Variants in PIEZO2 observed in about 807,000 individuals in gnomAD.
PIEZO2 encodes piezo-type mechanosensitive ion channel component 2.
A neutral mutation model predicts 337.3 loss-of-function variants in PIEZO2; 172 were observed. The observed-to-expected ratio is 0.51, with a 90% CI of 0.45 to 0.58. The LOEUF is 0.58. Ranked by LOEUF, PIEZO2 falls within the 20% of genes least tolerant of loss-of-function variation. The probability of loss-of-function intolerance (pLI) is 0.00; values close to 1 mark genes in which losing one functional copy is unlikely to be tolerated. For missense variants in PIEZO2, 3,028 were observed against 3,391.3 expected (o/e 0.89, Z 2.66); for synonymous variants, 1,251 against 1,228.5 (o/e 1.02, Z -0.38).
intron 36 of PIEZO2, chr18:10,725,393 C>T: frequency 2.5e-6 from 4 of 1,605,710 alleles, no homozygotes; most frequent in South Asian, 2.2e-5. Context: ...ACAGCCGGCC[C>T]ACATTGGCGG....
intron 3 of PIEZO2, among the ~76,000 whole-genome samples, chr18:10,920,198 TC>T (rs1276010472): frequency 1.3e-5 from 2 of 152,064 alleles, no homozygotes; most frequent in Non-Finnish European, 2.9e-5. Flanking sequence ...CACCCCACCT[TC>T]CCCTGACTTC....
rs534276284 is a variant in PIEZO2, at chr18:11,002,875, G to A, written c.161-23215C>T. On this transcript the variant is annotated intron_variant, in intron 2 of 55. Transcript: ENST00000674853. The surrounding 1 kb of genome is among the most constrained non-coding windows in gnomAD (Gnocchi z 4.3). ...TCATGGTCCTCCATGGGCAGGTTCA[G>A]CAGAGAACAGACCAATAGAAACATC... 7.9e-5 allele frequency among the ~76,000 whole-genome samples: 12 copies of A among 152,326 alleles called. No individual in the cohort carries two copies. In the South Asian group the frequency reaches 2.5e-3, roughly 32 times the overall value.
intron 23 of PIEZO2, 37 bp from the exon 24 acceptor site, chr18:10,761,148 G>C: frequency 6.6e-7 from 1 of 1,506,720 alleles, no homozygotes; most frequent in Non-Finnish European, 8.9e-7. Flanking sequence ...TCAGCCAGAG[G>C]CTTTATGATT....
intron 4 of PIEZO2, among the ~76,000 whole-genome samples, chr18:10,884,793 G>C (rs1190497979): frequency 6.6e-6 from 1 of 152,152 alleles, no homozygotes; most frequent in Non-Finnish European, 1.5e-5. Flanking sequence ...GGCTCCAACA[G>C]AGTAGCACAT....
chr18:11,003,837 A>AT lies in PIEZO2; in HGVS notation c.161-24178dup, dbSNP rs768600730. ...TGGGGGTGGACCTGGAAACAAAGTGATTTTTTCCCCTCATTGACATTGGAA... is the reference window on the plus strand; with the variant it reads ...TGGGGGTGGACCTGGAAACAAAGTGATTTTTTTCCCCTCATTGACATTGGAA... On this transcript the variant is annotated intron_variant, in intron 2 of 55. Transcript: ENST00000674853. The surrounding 1 kb of genome is among the most constrained non-coding windows in gnomAD (Gnocchi z 4.6). Among the ~76,000 whole-genome samples the AT allele has an allele frequency of 1.4e-4, 22 of 152,268 alleles. No individual in the cohort carries two copies. The South Asian group carries it at 2.5e-3, about 17-fold the overall frequency.
Position 10,807,222 on chromosome 18 carries a change from T to A in PIEZO2, c.970A>T (p.Ile324Phe). Residue 324 changes from isoleucine to phenylalanine, a missense_variant, in exon 8 of 56, where the codon ATC (isoleucine) becomes TTC (phenylalanine). By Grantham distance (21) the Ile-to-Phe change is conservative. Transcript: ENST00000674853. The stretch of plus-strand genomic sequence containing the variant: ...CACGACAGGTCCGGGTTCACTATGA[T>A]CTTCCAAGTACTTGAACAGTCCGTT... ...IQTDCSSTWK[I>F]IVNPDLSWYH... The A allele has an allele frequency of 6.5e-7, 1 of 1,537,346 alleles. No individual in the cohort carries two copies. The highest frequency in any genetic ancestry group is 8.7e-7 in the Non-Finnish European group (1 of 1,146,936).
intron 21 of PIEZO2, among the ~76,000 whole-genome samples, chr18:10,765,049 G>T (rs2038294872): frequency 6.6e-6 from 1 of 152,230 alleles, no homozygotes; most frequent in Non-Finnish European, 1.5e-5. Flanking sequence ...GAGTGATGGA[G>T]AAAGGGAAGT....
Position 10,718,221 on chromosome 18 carries a change from T to C in PIEZO2, c.5068A>G (p.Lys1690Glu), listed in dbSNP as rs745977544. Residue 1690 changes from lysine to glutamate, a missense_variant, in exon 37 of 56, where the codon AAA (lysine) becomes GAA (glutamate). Lys to Glu is a moderately conservative substitution (Grantham distance 56, BLOSUM62 1). This residue lies in a region of PIEZO2 where 1,925 missense variants were observed against 2,051.9 expected (regional missense o/e 0.94). Transcript: ENST00000674853. Reference protein sequence around the residue: ...EWEDREDEPIKKKSDGPDNII... With the variant: ...EWEDREDEPIEKKSDGPDNII... ...TTACCTGGTCCATCGGATTTCTTTT[T>C]GATTGGTTCATCCTCCCGGTCTTCC... 13 of 1,537,016 alleles carry C rather than the reference T, an allele frequency of 8.5e-6. No individual in the cohort carries two copies. Among genetic ancestry groups the C allele is most frequent in the Middle Eastern group, 1.7e-4 (1 of 6,012 alleles).
In PIEZO2 at chr18:10,966,736, T is replaced by G. The variant is rs187622506; in HGVS notation, c.286+12799A>C. 3.6e-3 allele frequency among the ~76,000 whole-genome samples: 547 copies of G among 152,268 alleles called. 1 individual carries two copies. Among genetic ancestry groups the G allele is most frequent in the Non-Finnish European group, 6.5e-3 (445 of 68,014 alleles). ...CACCCATCACCTGAGCAGTGTACAC[T>G]GTACCCAATGTGTTGTCTTTTATCC... On this transcript the variant is annotated intron_variant, in intron 3 of 55. Transcript: ENST00000674853.
chr18:10,728,211 G>A (rs1317075563), intron 36 of PIEZO2: 1 of 152,630 alleles, frequency 6.6e-6, no homozygotes, highest in Non-Finnish European at 1.5e-5. Context: ...AAAAACAGGA[G>A]TAAAATCCTG....
Position 10,982,498 on chromosome 18 carries a change from T to C in PIEZO2, c.161-2838A>G, listed in dbSNP as rs1765557625. On this transcript the variant is annotated intron_variant, in intron 2 of 55. Transcript: ENST00000674853. This position sits in a 1 kb window ranked among gnomAD's most constrained non-coding sequence, Gnocchi z 4.1. ...AATTTAGTCTAAAAATTCAGTACAGTTTAAAATAAAATGCCAGTAGAAACT... is the reference window on the plus strand; with the variant it reads ...AATTTAGTCTAAAAATTCAGTACAGCTTAAAATAAAATGCCAGTAGAAACT... Among the ~76,000 whole-genome samples the C allele has an allele frequency of 6.6e-6, 1 of 152,160 alleles. No individual in the cohort carries two copies. The highest frequency in any genetic ancestry group is 2.1e-4 in the South Asian group (1 of 4,836).
In PIEZO2 at chr18:11,016,963, G is replaced by A. The variant is rs117036774; in HGVS notation, c.161-37303C>T. 1.8e-3 allele frequency among the ~76,000 whole-genome samples: 268 copies of A among 152,300 alleles called. 1 individual carries two copies. Among genetic ancestry groups the A allele is most frequent in the Non-Finnish European group, 3.3e-3 (225 of 68,034 alleles). On this transcript the variant is annotated intron_variant, in intron 2 of 55. Transcript: ENST00000674853. The surrounding 1 kb of genome is among the most constrained non-coding windows in gnomAD (Gnocchi z 5.6). ...ACTGACAAGCTGAGGGAAGTTCAGA[G>A]GAGAGCACAGGATTGAAGGGTCAGG...
rs370635908 is a variant in PIEZO2 at position 10,810,731 on chromosome 18, A to T, written c.918-3457T>A. 3.3e-5 allele frequency among the ~76,000 whole-genome samples: 5 copies of T among 152,284 alleles called. No homozygotes were observed. In the South Asian group the frequency reaches 1.0e-3, roughly 32 times the overall value. On this transcript the variant is annotated intron_variant, in intron 7 of 55. Transcript: ENST00000674853. ...TAGCTATGACTTTTCTGGAGTCCCC[A>T]AATCAAGAATTGGGGGTATATGTAC...
chr18:10,840,992 C>T (rs888441788), intron 7 of PIEZO2, among the ~76,000 whole-genome samples: 4 of 152,142 alleles, frequency 2.6e-5, no homozygotes, highest in Non-Finnish European at 5.9e-5. Context: ...GGAAAGGTTC[C>T]TCAATGTGTT....
Position 10,672,641 on chromosome 18 carries a change from G to T in PIEZO2, c.8345+49C>A. 1 of 1,563,142 alleles carries T rather than the reference G, an allele frequency of 6.4e-7. No individual in the cohort carries two copies. Among genetic ancestry groups the T allele is most frequent in the Non-Finnish European group, 8.6e-7 (1 of 1,158,064 alleles). On this transcript the variant is annotated intron_variant, in intron 55 of 55. Coordinates refer to ENST00000674853, the MANE Select transcript of PIEZO2 (RefSeq NM_001378183.1). This position sits in a 1 kb window ranked among gnomAD's most constrained non-coding sequence, Gnocchi z 4.7. ...AGGCTTCCCACTCTCAACTTTACAT[G>T]ATACAGAAGTAGACTCTTGTAACTG...
At chr18:11,007,118 T>G (rs61180240) in intron 2 of PIEZO2, among the ~76,000 whole-genome samples, 18,852 of 152,196 alleles carry the variant, frequency 0.12, 1,478 homozygotes, top group Admixed American at 0.21. Flanking sequence ...AACACTAGAT[T>G]TTATTCCTTC....
At chr18:10,757,832 T>G in intron 27 of PIEZO2, 137 bp downstream of exon 27, 1 of 977,168 alleles carries the variant, frequency 1.0e-6, no homozygotes, top group Non-Finnish European at 1.5e-6. Context: ...TGAACCACAT[T>G]GTCCAGCATT....
In PIEZO2 at chr18:11,110,494, C is replaced by G. The variant is rs1200483438; in HGVS notation, c.64+38031G>C. Among the ~76,000 whole-genome samples the G allele has an allele frequency of 6.6e-6, 1 of 152,246 alleles. No individual in the cohort carries two copies. The highest frequency in any genetic ancestry group is 2.4e-5 in the African/African-American group (1 of 41,462). On this transcript the variant is annotated intron_variant, in intron 1 of 55. Transcript: ENST00000674853. The surrounding 1 kb of genome is among the most constrained non-coding windows in gnomAD (Gnocchi z 4.2). ...GGGTCCCCATGTGACCTCAGTCCAC[C>G]TGTTTACCTGAGGTAAGTGTCTGGG... is the stretch of plus-strand genomic sequence containing the variant.
intron 2 of PIEZO2, among the ~76,000 whole-genome samples, chr18:11,000,505 TCAGGGACAAGGGAAGAGGA>T (rs1325382018): frequency 6.6e-6 from 1 of 152,084 alleles, no homozygotes; most frequent in Non-Finnish European, 1.5e-5. Flanking sequence ...GAAGGATAGT[TCAGGGACAAGGGAAGAGGA>T]CAGGGACCTG....
Sources: gnomAD v4.1 joint callset for allele counts (sites outside exome capture counted in the v4.1 genomes callset) on GRCh38, gnomAD v4.1.1 for gene constraint, gnomAD v4.1.1 regional missense constraint, Gnocchi (gnomAD v3.1) non-coding constraint, MANE v1.5 for transcripts, NCBI Gene and HGNC (gene_info 2026-07-23, HGNC 2026-07-21) for gene names.